The following MACROD2 variants were observed in gnomAD, a reference collection of about 807,000 sequenced individuals.
MACROD2 encodes mono-ADP ribosylhydrolase 2, also known as ADP-ribose glycohydrolase MACROD2.
In MACROD2, 36 loss-of-function variants were observed where a neutral mutation model predicts 70.4. The observed-to-expected ratio is 0.51, with a 90% confidence interval of 0.39 to 0.68. MACROD2 has a LOEUF of 0.68. Among genes scored for constraint, MACROD2 ranks in the 30% least tolerant of loss-of-function variants. The pLI is 0.00. For missense variants in MACROD2, 496 were observed against 538.4 expected (o/e 0.92, Z 0.78); for synonymous variants, 172 against 178.8 (o/e 0.96, Z 0.30).
chr20:14,698,063 A>G (rs553904357), intron 5 of MACROD2, among the ~76,000 whole-genome samples: 2 of 152,274 alleles, frequency 1.3e-5, no homozygotes, highest in Admixed American at 1.3e-4. Context: ...AAAAACAGAC[A>G]GGGACCTCAC....
At chr20:15,991,611 A>G (rs1038456762) in intron 15 of MACROD2, among the ~76,000 whole-genome samples, 2 of 152,218 alleles carry the variant, frequency 1.3e-5, no homozygotes, top group African/African-American at 4.8e-5. Flanking sequence ...GCAAAATACT[A>G]TATACACTTG....
chr20:14,982,553 C>T (rs938826340), intron 5 of MACROD2, among the ~76,000 whole-genome samples: 2 of 152,152 alleles, frequency 1.3e-5, no homozygotes, highest in Non-Finnish European at 2.9e-5. Flanking sequence ...TGGTGCCCTA[C>T]ATCCCAGCCA....
chr20:14,052,069 A>G (rs1016764637), intron 2 of MACROD2: 19 of 392,350 alleles, frequency 4.8e-5, no homozygotes, highest in African/African-American at 4.0e-4. Flanking sequence ...TATGGGACAA[A>G]ATAGTTCTCT....
At chr20:15,029,055 A>G (rs1374720326) in intron 5 of MACROD2, among the ~76,000 whole-genome samples, 2 of 152,156 alleles carry the variant, frequency 1.3e-5, no homozygotes, top group Non-Finnish European at 2.9e-5. Flanking sequence ...GCTGGCTCAC[A>G]GGGCATGGGG....
chr20:14,216,188 T>A (rs1476045861), intron 3 of MACROD2, among the ~76,000 whole-genome samples: 2 of 152,186 alleles, frequency 1.3e-5, no homozygotes, highest in East Asian at 3.8e-4. Context: ...TTGTATAAGG[T>A]GAGAGATGAG....
At chr20:14,207,875 A>G (rs2122123379) in intron 3 of MACROD2, among the ~76,000 whole-genome samples, 1 of 152,344 alleles carries the variant, frequency 6.6e-6, no homozygotes, top group African/African-American at 2.4e-5. Context: ...ATGCAAATGC[A>G]AGGTACATGT....
At chr20:14,085,845 T>C in intron 3 of MACROD2, 117 bp downstream of exon 3, 1 of 546,988 alleles carries the variant, frequency 1.8e-6, no homozygotes, top group Non-Finnish European at 3.1e-6. Context: ...GAAATGTCTA[T>C]TCTGTTTCTC....
At chr20:14,442,882 C>A (rs1176646080) in intron 3 of MACROD2, among the ~76,000 whole-genome samples, 1 of 152,022 alleles carries the variant, frequency 6.6e-6, no homozygotes, top group Non-Finnish European at 1.5e-5. Context: ...CGAGACCATC[C>A]TGGCTAACAC....
chr20:15,324,908 A>G (rs898431733), intron 6 of MACROD2, among the ~76,000 whole-genome samples: 4 of 152,164 alleles, frequency 2.6e-5, no homozygotes, highest in Non-Finnish European at 5.9e-5. Context: ...GCATAACTTG[A>G]CCTTTCTTGC....
chr20:15,041,256 C>T (rs990838700), intron 5 of MACROD2, among the ~76,000 whole-genome samples: 2 of 152,080 alleles, frequency 1.3e-5, no homozygotes, highest in Admixed American at 6.6e-5. Flanking sequence ...ATACAGTTCC[C>T]AGTCATTGGA....
chr20:15,458,825 C>A (rs1331669147), intron 7 of MACROD2, among the ~76,000 whole-genome samples: 1 of 152,042 alleles, frequency 6.6e-6, no homozygotes, highest in Non-Finnish European at 1.5e-5. Context: ...AGGAGGACAG[C>A]ATTGGGCAAA....
chr20:14,375,054 T>C (rs964022097), intron 3 of MACROD2, among the ~76,000 whole-genome samples: 2 of 152,138 alleles, frequency 1.3e-5, no homozygotes, highest in Admixed American at 1.3e-4. Flanking sequence ...TATATTCACT[T>C]TTTTTGTCCT....
intron 12 of MACROD2, 90 bp from the exon 13 acceptor site, chr20:15,967,463 C>T: frequency 1.9e-6 from 2 of 1,059,018 alleles, no homozygotes; most frequent in Non-Finnish European, 2.8e-6. Flanking sequence ...TCTATTTTTC[C>T]TCAAACATAA....
intron 6 of MACROD2, among the ~76,000 whole-genome samples, chr20:15,392,462 A>G (rs1247179284): frequency 6.6e-6 from 1 of 152,048 alleles, no homozygotes; most frequent in Admixed American, 6.5e-5. Context: ...TTTTATATTC[A>G]CGTTTCAAGG....
chr20:15,096,887 C>G (rs2075837627), intron 5 of MACROD2, among the ~76,000 whole-genome samples: 1 of 146,002 alleles, frequency 6.8e-6, no homozygotes, highest in Admixed American at 7.0e-5. Flanking sequence ...TCTTGGCTCA[C>G]TGAAACCTCC....
At chr20:15,224,805 C>A (rs1282899126) in intron 5 of MACROD2, among the ~76,000 whole-genome samples, 1 of 151,878 alleles carries the variant, frequency 6.6e-6, no homozygotes, top group East Asian at 1.9e-4. Flanking sequence ...ACTAAAAATA[C>A]AAATATTAGC....
In MACROD2 at chr20:14,093,989, T is replaced by A. The variant is rs6042527; in HGVS notation, c.271+8261T>A. Among the ~76,000 whole-genome samples the A allele has an allele frequency of 1.6e-3, 235 of 149,452 alleles. 1 individual carries two copies. The highest frequency in any genetic ancestry group is 4.1e-3 in the East Asian group (21 of 5,160). On this transcript the variant is annotated intron_variant, in intron 3 of 17. Coordinates refer to ENST00000684519, the MANE Select transcript of MACROD2 (RefSeq NM_001351661.2). The stretch of plus-strand genomic sequence containing the variant: ...CTTTGAGGGCTGAGGTTTTTTTTTT[T>A]AAAATTTTTTTTTTATTTTTTAGAA...
chr20:14,088,155 C>A (rs910890425), intron 3 of MACROD2, among the ~76,000 whole-genome samples: 1 of 151,554 alleles, frequency 6.6e-6, no homozygotes, highest in African/African-American at 2.4e-5. Context: ...ATGGTGAAAC[C>A]CCGTCTCTAC....
At chr20:14,814,647 C>A (rs1052994524) in intron 5 of MACROD2, among the ~76,000 whole-genome samples, 1 of 151,856 alleles carries the variant, frequency 6.6e-6, no homozygotes, top group African/African-American at 2.4e-5. Flanking sequence ...ATTATTATAA[C>A]CATCATTTAT....
Sources: allele counts gnomAD v4.1 joint callset (sites outside exome capture counted in the v4.1 genomes callset), GRCh38; gene constraint gnomAD v4.1.1; transcripts MANE v1.5; gene names NCBI Gene and HGNC (gene_info 2026-07-23, HGNC 2026-07-21).